SPATA6: variants seen among roughly 807,000 people sequenced by gnomAD.
The protein encoded by SPATA6 is spermatogenesis-associated protein 6.
SPATA6 carries 56 observed loss-of-function variants against 65.3 expected under a neutral mutation model. The ratio of observed to expected loss-of-function variants is 0.86; its 90% CI spans 0.69 to 1.07. SPATA6 has a LOEUF of 1.07. Among genes scored for constraint, SPATA6 ranks in the 50% least tolerant of loss-of-function variants. The probability of loss-of-function intolerance (pLI) is 0.00; values close to 1 mark genes in which losing one functional copy is unlikely to be tolerated. For missense variants in SPATA6, 590 were observed against 594.8 expected, an observed-to-expected ratio of 0.99 and a Z score of 0.08; for synonymous variants, 199 against 213.2, an observed-to-expected ratio of 0.93 and a Z score of 0.58.
chr1:48,441,085 A>G (rs1018811097), intron 3 of SPATA6, among the ~76,000 whole-genome samples: 80 of 152,166 alleles, frequency 5.3e-4, no homozygotes, highest in Non-Finnish European at 9.1e-4. Context: ...CCACCCTGCC[A>G]TGTCCACTAC....
intron 11 of SPATA6, among the ~76,000 whole-genome samples, chr1:48,331,638 T>A (rs936668770): frequency 2.0e-5 from 3 of 152,192 alleles, no homozygotes; most frequent in African/African-American, 7.2e-5. Context: ...GGAAGCAACC[T>A]GGAAAACATA....
At chr1:48,440,328 G>A (rs1437037636) in intron 3 of SPATA6, among the ~76,000 whole-genome samples, 3 of 152,312 alleles carry the variant, frequency 2.0e-5, no homozygotes, top group South Asian at 2.1e-4. Context: ...ACAGGGTCTA[G>A]GGCAAACCTT....
At chr1:48,416,626 T>C (rs989298096) in intron 3 of SPATA6, among the ~76,000 whole-genome samples, 2 of 152,168 alleles carry the variant, frequency 1.3e-5, no homozygotes, top group Admixed American at 6.5e-5. Context: ...ATGTGCATAC[T>C]CCTAGGAAAC....
At chr1:48,367,344 G>C (rs573090035) in intron 9 of SPATA6, among the ~76,000 whole-genome samples, 1 of 151,958 alleles carries the variant, frequency 6.6e-6, no homozygotes, top group Admixed American at 6.6e-5. Context: ...CAATTCCTGG[G>C]TATCCTTGTT....
At chr1:48,325,694 C>T (rs537861196) in intron 11 of SPATA6, 1 of 573,324 alleles carries the variant, frequency 1.7e-6, no homozygotes, top group South Asian at 1.7e-5. Flanking sequence ...ATCCTCTTCA[C>T]CCGTCTTCTC....
rs923348480 is a variant in SPATA6 at position 48,295,552 on chromosome 1, T to C, written c.*3161A>G. The C allele has an allele frequency of 6.6e-6, 1 of 152,222 alleles. No individual in the cohort carries two copies. The highest frequency in any genetic ancestry group is 1.5e-5 in the Non-Finnish European group (1 of 68,038). 9.4% of individuals were successfully genotyped at this position (152,222 alleles called of 1,614,324 possible). On this transcript the variant is annotated 3_prime_UTR_variant, in exon 13 of 13. Transcript: ENST00000371847. ...AGAATAGGCATGGAGACAAAAAGCA[T>C]ATAGTGGTTTCCAGGAGTTGTGGGG... is the stretch of plus-strand genomic sequence containing the variant.
downstream of SPATA6, among the ~76,000 whole-genome samples, chr1:48,291,468 G>C (rs1008249801): frequency 2.6e-5 from 4 of 152,146 alleles, no homozygotes; most frequent in African/African-American, 9.7e-5. Flanking sequence ...GAGGAATATG[G>C]CTATCTCTGC....
intron 9 of SPATA6, among the ~76,000 whole-genome samples, chr1:48,365,242 G>A (rs908942155): frequency 1.6e-4 from 24 of 151,884 alleles, no homozygotes; most frequent in East Asian, 5.8e-4. Flanking sequence ...TGGTGCCTCC[G>A]GGTTTGTTCT....
chr1:48,333,883 G>A (rs1056829558), intron 11 of SPATA6, among the ~76,000 whole-genome samples: 2 of 151,850 alleles, frequency 1.3e-5, no homozygotes, highest in African/African-American at 4.8e-5. Flanking sequence ...TAATAAGATA[G>A]TCAGCTAGAC....
intron 1 of SPATA6, 145 bp downstream of exon 1, chr1:48,471,813 G>A: frequency 1.1e-6 from 1 of 920,688 alleles, no homozygotes. Context: ...ACAAGATGGG[G>A]CAGGACCGAA....
At chr1:48,401,948 T>C (rs1461103915) in intron 6 of SPATA6, among the ~76,000 whole-genome samples, 1 of 152,154 alleles carries the variant, frequency 6.6e-6, no homozygotes, top group Non-Finnish European at 1.5e-5. Context: ...CACTTTGCAA[T>C]AGGTAAAAAC....
chr1:48,300,385 A>C (rs1209800525), intron 12 of SPATA6, among the ~76,000 whole-genome samples: 1 of 152,152 alleles, frequency 6.6e-6, no homozygotes, highest in Non-Finnish European at 1.5e-5. Flanking sequence ...ACAAATACAA[A>C]ACCTGAACAG....
intron 11 of SPATA6, among the ~76,000 whole-genome samples, chr1:48,333,008 T>C (rs1645959065): frequency 6.6e-6 from 1 of 152,122 alleles, no homozygotes; most frequent in Admixed American, 6.6e-5. Flanking sequence ...AGTGTGATGG[T>C]TAATGTTAAG....
the SPATA6 span, among the ~76,000 whole-genome samples, chr1:48,263,786 G>A: frequency 5.3e-5 from 8 of 152,208 alleles, no homozygotes; most frequent in South Asian, 4.1e-4. Flanking sequence ...GCTAAACTAC[G>A]TTGAAAGTTC....
At chr1:48,363,544 G>T (rs1464543420) in intron 9 of SPATA6, among the ~76,000 whole-genome samples, 1 of 151,978 alleles carries the variant, frequency 6.6e-6, no homozygotes, top group African/African-American at 2.4e-5. Flanking sequence ...GGAGAGCTTG[G>T]CTCATAAAGA....
At position 48,370,787 on chromosome 1, in the gene SPATA6, T is replaced by C. The variant is rs139469350; in HGVS notation, c.910-11017A>G. Among the ~76,000 whole-genome samples the C allele has an allele frequency of 1.9e-3, 295 of 152,316 alleles. 3 individuals carry two copies. The highest frequency in any genetic ancestry group is 6.7e-3 in the African/African-American group (280 of 41,572). ...AGCAGTGGGGGTTCCAGACCAATTA[T>C]ATATGAGGGATCTATGGCAGAAACA... On this transcript the variant is annotated intron_variant, in intron 9 of 12. Transcript: ENST00000371847.
intron 3 of SPATA6, among the ~76,000 whole-genome samples, chr1:48,443,322 GA>G (rs1377735205): frequency 1.3e-5 from 2 of 152,162 alleles, no homozygotes; most frequent in Admixed American, 6.5e-5. Context: ...AAATCTTATA[GA>G]AATCAGACCC....
In SPATA6 at chr1:48,421,391, A is replaced by G. The variant is rs577040382; in HGVS notation, c.239-8240T>C. 1.8e-3 allele frequency among the ~76,000 whole-genome samples: 281 copies of G among 152,306 alleles called. 1 individual carries two copies. Among genetic ancestry groups the G allele is most frequent in the African/African-American group, 6.5e-3 (272 of 41,588 alleles). On this transcript the variant is annotated intron_variant, in intron 3 of 12. Coordinates refer to ENST00000371847, the MANE Select transcript of SPATA6 (RefSeq NM_019073.4). ...AAGCTTCAATGTAACCAACACAAAAAGAACAAATCCTTTTAAGTAGCCATG... is the reference window on the plus strand; with the variant it reads ...AAGCTTCAATGTAACCAACACAAAAGGAACAAATCCTTTTAAGTAGCCATG...
intron 9 of SPATA6, among the ~76,000 whole-genome samples, chr1:48,374,851 C>T (rs910907284): frequency 6.6e-6 from 1 of 152,200 alleles, no homozygotes; most frequent in African/African-American, 2.4e-5. Flanking sequence ...ACACTCAAGC[C>T]TAGTTCCCAA....
Sources: gnomAD v4.1 joint callset for allele counts (sites outside exome capture counted in the v4.1 genomes callset) on GRCh38, gnomAD v4.1.1 for gene constraint, MANE v1.5 for transcripts, NCBI Gene and HGNC (gene_info 2026-07-23, HGNC 2026-07-21) for gene names.